Variants in SIGLEC1 observed in about 807,000 individuals in gnomAD.
The protein encoded by SIGLEC1 is sialic acid binding Ig like lectin 1, also known as sialoadhesin.
A neutral mutation model predicts 148.0 loss-of-function variants in SIGLEC1; 132 were observed. The observed-to-expected ratio is 0.89, with a 90% CI of 0.77 to 1.03. SIGLEC1 has a LOEUF of 1.03. Among genes scored for constraint, SIGLEC1 ranks in the 50% least tolerant of loss-of-function variants. The probability of loss-of-function intolerance (pLI) is 0.00; values close to 1 mark genes in which losing one functional copy is unlikely to be tolerated. For missense variants in SIGLEC1, 2,253 were observed against 2,271.4 expected (o/e 0.99, Z 0.16); for synonymous variants, 945 against 969.0 (o/e 0.98, Z 0.46).
Position 3,691,551 on chromosome 20 carries a change from G to A in SIGLEC1, c.4380C>T (p.Ala1460=). The A allele has an allele frequency of 6.2e-7, 1 of 1,613,116 alleles. No individual in the cohort carries two copies. Among genetic ancestry groups the A allele is most frequent in the Non-Finnish European group, 8.5e-7 (1 of 1,179,984 alleles). The change falls in exon 18 of 22, where the codon GCC becomes GCT. Residue 1460 remains alanine, a synonymous_variant. Transcript: ENST00000344754. ...EPGLDVPEGA[A]LNLSCRLLGG... is the part of the protein sequence containing the mutation. ...CCAGGAGGCGGCAGCTGAGGTTCAGGGCAGCGCCCTCAGGCACGTCCAGGC... is the reference window on the plus strand; with the variant it reads ...CCAGGAGGCGGCAGCTGAGGTTCAGAGCAGCGCCCTCAGGCACGTCCAGGC...
At position 3,703,407 on chromosome 20, in the gene SIGLEC1, G is replaced by A; in HGVS notation, c.1018C>T (p.Gln340Ter). ...GTGTTGCAGACTAGTGTCACTGTCTGGTTCTCCAGGATGGGACCTGCTGGG... is the reference window on the plus strand; with the variant it reads ...GTGTTGCAGACTAGTGTCACTGTCTAGTTCTCCAGGATGGGACCTGCTGGG... ...VSPAGPILEN[Q>*]TVTLVCNTPN... Residue 340 changes from glutamine (Q) to a stop codon, truncating the protein, a stop_gained, in exon 6 of 22, where the codon CAG (glutamine) becomes TAG (stop). Coordinates refer to ENST00000344754, the MANE Select transcript of SIGLEC1 (RefSeq NM_023068.4). LOFTEE classifies it high-confidence loss of function. 6.3e-7 allele frequency: 1 copy of A among 1,598,786 alleles called. No individual in the cohort carries two copies. The highest frequency in any genetic ancestry group is 8.5e-7 in the Non-Finnish European group (1 of 1,171,480).
rs768486049 is a variant in SIGLEC1, at chr20:3,689,625, C to T, written c.4972G>A (p.Gly1658Ser). Reference sequence around the variant, plus strand: ...CTCCAGGTGTAGCAGGCCCCCAGGCCCAACAGCAGGAGCAGGAGGCCCACC... The same window carrying T: ...CTCCAGGTGTAGCAGGCCCCCAGGCTCAACAGCAGGAGCAGGAGGCCCACC... The part of the protein sequence containing the change: ...LLVGLLLLLL[G>S]LGACYTWRRR... The change falls in exon 20 of 22, where the codon GGC (glycine) becomes AGC (serine). Residue 1658 changes from glycine to serine, a missense_variant. Physicochemically the swap from Gly to Ser is moderately conservative, Grantham distance 56. Coordinates refer to ENST00000344754, the MANE Select transcript of SIGLEC1 (RefSeq NM_023068.4). 6.3e-6 allele frequency: 10 copies of T among 1,586,860 alleles called. No individual in the cohort carries two copies. The highest frequency in any genetic ancestry group is 8.6e-6 in the Non-Finnish European group (10 of 1,166,810).
intron 13 of SIGLEC1, 134 bp from the exon 14 acceptor site, chr20:3,693,832 C>G (rs2088792352): frequency 2.2e-6 from 2 of 925,910 alleles, no homozygotes; most frequent in Non-Finnish European, 3.1e-6. Flanking sequence ...GGTGGCCCAC[C>G]TATAAATGTG....
At position 3,691,450 on chromosome 20, in the gene SIGLEC1, G is replaced by C; in HGVS notation, c.4481C>G (p.Pro1494Arg). 1 of 1,613,276 alleles carries C rather than the reference G, an allele frequency of 6.2e-7. No individual in the cohort carries two copies. The highest frequency in any genetic ancestry group is 2.2e-5 in the East Asian group (1 of 44,878). Reference protein sequence around the residue: ...NDRRLHAEPVPTLAFTHVARA... With the variant: ...NDRRLHAEPVRTLAFTHVARA... ...AGCCACGTGGGTGAAGGCGAGAGTG[G>C]GCACAGGCTCCGCGTGCAGCCGCCG... Residue 1494 changes from proline to arginine, a missense_variant, in exon 18 of 22, where the codon CCC (proline) becomes CGC (arginine). Physicochemically the swap from Pro to Arg is moderately radical, Grantham distance 103 (BLOSUM62 -2). Transcript: ENST00000344754.
At chr20:3,706,277 GA>G (rs2087893066) in intron 3 of SIGLEC1, 69 bp downstream of exon 3, 2 of 1,541,068 alleles carry the variant, frequency 1.3e-6, no homozygotes, top group African/African-American at 2.7e-5. Flanking sequence ...GGCTGGGGCT[GA>G]GAGCCAAGGG....
chr20:3,689,369 C>T, intron 20 of SIGLEC1, 142 bp from the exon 21 acceptor site: 1 of 779,886 alleles, frequency 1.3e-6, no homozygotes, highest in Non-Finnish European at 2.2e-6. Flanking sequence ...TGTCTTCCTC[C>T]CTAGCCCTTG....
At position 3,706,621 on chromosome 20, in the gene SIGLEC1, G is replaced by A; in HGVS notation, c.135C>T (p.Phe45=). Residue 45 remains phenylalanine, a synonymous_variant, in exon 3 of 22, where the codon TTC becomes TTT. Coordinates refer to ENST00000344754, the MANE Select transcript of SIGLEC1 (RefSeq NM_023068.4). ...SCLLIPCIFS[F]PADVEVPDGI... ...CGTCGGGCACCTCCACGTCGGCAGG[G>A]AAGCTGAAGATGCAGGGGATAAGCA... The A allele has an allele frequency of 6.3e-7, 1 of 1,599,236 alleles. No homozygotes were observed. The highest frequency in any genetic ancestry group is 8.5e-7 in the Non-Finnish European group (1 of 1,173,316).
Position 3,689,694 on chromosome 20 carries a change from G to T in SIGLEC1, c.4903C>A (p.Arg1635Ser), listed in dbSNP as rs199664967. The T allele has an allele frequency of 3.2e-5, 50 of 1,575,830 alleles. No individual in the cohort carries two copies. The highest frequency in any genetic ancestry group is 4.0e-5 in the Non-Finnish European group (46 of 1,161,016). ...STYFGVRALH[R>S]LHQFQQLLWV... Reference sequence around the variant, plus strand: ...AGCAGCTGCTGGAACTGATGCAGGCGGTGCAGGGCTGGAACACAGAGCGGG... The same window carrying T: ...AGCAGCTGCTGGAACTGATGCAGGCTGTGCAGGGCTGGAACACAGAGCGGG... Residue 1635 changes from arginine to serine, a missense_variant, in exon 20 of 22, where the codon CGC (arginine) becomes AGC (serine). Physicochemically the swap from Arg to Ser is moderately radical, Grantham distance 110 (BLOSUM62 -1). Coordinates refer to ENST00000344754, the MANE Select transcript of SIGLEC1 (RefSeq NM_023068.4).
intron 6 of SIGLEC1, 41 bp downstream of exon 6, chr20:3,703,156 G>T (rs769296619): frequency 6.2e-5 from 100 of 1,611,160 alleles, no homozygotes; most frequent in Non-Finnish European, 8.1e-5. Flanking sequence ...ATCTGGTCCT[G>T]CTCTGACTGT....
rs1189933521 is a variant in SIGLEC1, at chr20:3,691,520, G to A, written c.4411C>T (p.Pro1471Ser). ...LNLSCRLLGG[P>S]GPVGNSTFAW... ...AAGGTGGAGTTGCCCACAGGCCCAGGGCCACCCAGGAGGCGGCAGCTGAGG... is the reference window on the plus strand; with the variant it reads ...AAGGTGGAGTTGCCCACAGGCCCAGAGCCACCCAGGAGGCGGCAGCTGAGG... The change falls in exon 18 of 22, where the codon CCT becomes TCT. Residue 1471 changes from proline (P) to serine (S), a missense_variant. Transcript: ENST00000344754. The A allele has an allele frequency of 1.2e-6, 2 of 1,613,300 alleles. No individual in the cohort carries two copies. Among genetic ancestry groups the A allele is most frequent in the African/African-American group, 2.7e-5 (2 of 75,064 alleles).
At chr20:3,703,509 C>G in intron 5 of SIGLEC1, 58 bp from the exon 6 acceptor site, 1 of 1,531,096 alleles carries the variant, frequency 6.5e-7, no homozygotes, top group South Asian at 1.3e-5. Context: ...GCCCCAGCCC[C>G]ATACAGTCCC....
At chr20:3,692,809 G>A (rs370238182) in intron 15 of SIGLEC1, 37 bp from the exon 16 acceptor site, 16 of 1,600,790 alleles carry the variant, frequency 1.0e-5, no homozygotes, top group Admixed American at 3.3e-5. Context: ...GGGCCCAGCC[G>A]GACACCACAG....
At chr20:3,704,318 C>T (rs182039159) in intron 4 of SIGLEC1, among the ~76,000 whole-genome samples, 12 of 152,298 alleles carry the variant, frequency 7.9e-5, no homozygotes, top group Admixed American at 3.9e-4. Flanking sequence ...GATCATGTGA[C>T]GCTTGGCCAG....
In SIGLEC1 at chr20:3,691,606, G is replaced by A. The variant is rs1042656785; in HGVS notation, c.4331-6C>T. 2.5e-6 allele frequency: 4 copies of A among 1,610,574 alleles called. No individual in the cohort carries two copies. In the African/African-American group the frequency reaches 4.0e-5, roughly 16 times the overall value. On this transcript the variant is annotated splice_polypyrimidine_tract_variant and splice_region_variant and intron_variant, in intron 17 of 21. Transcript: ENST00000344754. ...CTCTGCCACCACGCGTGCACCTGCG[G>A]GCGGAGGATAGAGAGATGATTGGGG... is the stretch of plus-strand genomic sequence containing the variant.
In SIGLEC1 at chr20:3,706,009, C is replaced by T. The variant is rs772977227; in HGVS notation, c.441G>A (p.Pro147=). 2.6e-5 allele frequency: 42 copies of T among 1,613,596 alleles called. No homozygotes were observed. The highest frequency in any genetic ancestry group is 2.4e-4 in the South Asian group (22 of 91,078). ...EEPRVPTIAS[P]VELLEGTEVD... is the part of the protein sequence containing the mutation. ...CCTCTGTGCCCTCGAGAAGCTCCACCGGGGAGGCAATGGTGGGCACCCTGG... is the reference window on the plus strand; with the variant it reads ...CCTCTGTGCCCTCGAGAAGCTCCACTGGGGAGGCAATGGTGGGCACCCTGG... Residue 147 remains proline (P), a synonymous_variant, in exon 4 of 22, where the codon CCG becomes CCA. Transcript: ENST00000344754.
intron 8 of SIGLEC1, among the ~76,000 whole-genome samples, chr20:3,698,999 T>C (rs1183190377): frequency 6.6e-6 from 1 of 151,772 alleles, no homozygotes; most frequent in Non-Finnish European, 1.5e-5. Context: ...CATTGGAGGG[T>C]AAAGACATGG....
In SIGLEC1 at chr20:3,692,215, A is replaced by T; in HGVS notation, c.4031-13T>A. ...TCCTGAGGGGCATCTGTGGGCAGGC[A>T]GGGCACAGATGGGGACCTTGCTTAG... On this transcript the variant is annotated splice_polypyrimidine_tract_variant and intron_variant, in intron 16 of 21. Coordinates refer to ENST00000344754, the MANE Select transcript of SIGLEC1 (RefSeq NM_023068.4). 1 of 1,531,204 alleles carries T rather than the reference A, an allele frequency of 6.5e-7. No homozygotes were observed. The highest frequency in any genetic ancestry group is 8.8e-7 in the Non-Finnish European group (1 of 1,140,386). The allele number at this position is 1,531,204 out of a possible 1,614,324, so 94.9% of individuals were successfully genotyped here. A position where few individuals can be genotyped will look rare whatever the true frequency, so the allele number is the denominator to read the frequency against.
chr20:3,706,069 C>T (rs952557157), intron 3 of SIGLEC1, 29 bp from the exon 4 acceptor site: 3 of 1,593,364 alleles, frequency 1.9e-6, no homozygotes, highest in Non-Finnish European at 2.6e-6. Flanking sequence ...GTGCTCAGGA[C>T]CCGCTTTTGC....
Position 3,693,003 on chromosome 20 carries a change from C to T in SIGLEC1, c.3637G>A (p.Ala1213Thr), listed in dbSNP as rs779856118. 3.1e-6 allele frequency: 5 copies of T among 1,612,128 alleles called. No homozygotes were observed. The South Asian group carries it at 5.5e-5, about 18-fold the overall frequency. ...LALSHAGRLL[A>T]SSTAASVPNT... is the part of the protein sequence containing the mutation. ...GGGACAGAGGCTGCTGTCGAGGAGG[C>T]CAAGAGGCGACCGGCGTGGCTGAGG... The change falls in exon 15 of 22, where the codon GCC becomes ACC. Residue 1213 changes from alanine to threonine, a missense_variant. Physicochemically the swap from Ala to Thr is moderately conservative, Grantham distance 58. Coordinates refer to ENST00000344754, the MANE Select transcript of SIGLEC1 (RefSeq NM_023068.4).
Sources: allele counts gnomAD v4.1 joint callset (sites outside exome capture counted in the v4.1 genomes callset), GRCh38; gene constraint gnomAD v4.1.1; transcripts MANE v1.5; gene names NCBI Gene and HGNC (gene_info 2026-07-23, HGNC 2026-07-21).